NLRP13: variants seen among roughly 807,000 people sequenced by gnomAD.
The protein encoded by NLRP13 is NACHT, LRR and PYD domains-containing protein 13.
NLRP13 carries 82 observed loss-of-function variants against 94.4 expected under a neutral mutation model. The ratio of observed to expected loss-of-function variants is 0.87; its 90% confidence interval spans 0.73 to 1.04. The LOEUF (loss-of-function observed/expected upper bound fraction) is 1.04. NLRP13 is among the 50% of genes least tolerant of loss of function. NLRP13 has a pLI of 0.00. For synonymous variants in NLRP13, 553 were observed against 464.7 expected, an observed-to-expected ratio of 1.19 and a Z score of -2.45; for missense variants, 1,426 against 1,230.8, an observed-to-expected ratio of 1.16 and a Z score of -2.37.
intron 4 of NLRP13, among the ~76,000 whole-genome samples, chr19:55,921,182 G>A (rs757551134): frequency 6.6e-6 from 1 of 152,116 alleles, no homozygotes; most frequent in African/African-American, 2.4e-5. Flanking sequence ...GACTATTCAG[G>A]TGATGGCTCC....
chr19:55,913,548 C>CAAAAAAAAAAAAAACAA (rs1986594874), intron 4 of NLRP13, among the ~76,000 whole-genome samples: 1 of 52,056 alleles, frequency 1.9e-5, no homozygotes, highest in Non-Finnish European at 4.0e-5. Context: ...GACTCCGTCT[C>CAAAAAAAAAAAAAACAA]AAAAAAAAAA....
chr19:55,918,828 T>C (rs942950836), intron 4 of NLRP13, among the ~76,000 whole-genome samples: 1 of 152,092 alleles, frequency 6.6e-6, no homozygotes, highest in East Asian at 1.9e-4. Flanking sequence ...ACTGAAACTG[T>C]TGCAGAAAAA....
downstream of NLRP13, among the ~76,000 whole-genome samples, chr19:55,894,273 C>G (rs1985938767): frequency 6.6e-6 from 1 of 152,048 alleles, no homozygotes. Context: ...AACTCCTGGC[C>G]TCAAGTGATC....
chr19:55,905,211 G>A (rs1986302258), intron 7 of NLRP13, 99 bp from the exon 8 acceptor site: 2 of 1,257,590 alleles, frequency 1.6e-6, no homozygotes, highest in Non-Finnish European at 2.2e-6. Context: ...CAAACATTAT[G>A]GGAAGATTAA....
chr19:55,910,041 A>AT (rs745658119), intron 6 of NLRP13, among the ~76,000 whole-genome samples: 16 of 151,982 alleles, frequency 1.1e-4, no homozygotes, highest in Non-Finnish European at 2.1e-4. Flanking sequence ...TATTTTGATG[A>AT]TTTTGTTTGC....
At chr19:55,908,963 G>T (rs1986428729) in intron 6 of NLRP13, among the ~76,000 whole-genome samples, 1 of 152,330 alleles carries the variant, frequency 6.6e-6, no homozygotes, top group South Asian at 2.1e-4. Flanking sequence ...TGCCTCTCAT[G>T]AGTTTGGTCC....
chr19:55,896,500 G>A (rs1353451250), intron 10 of NLRP13, among the ~76,000 whole-genome samples: 1 of 119,548 alleles, frequency 8.4e-6, no homozygotes, highest in Non-Finnish European at 1.6e-5. Flanking sequence ...CCAGCCTGGC[G>A]ACAGCAAGAT....
intron 4 of NLRP13, among the ~76,000 whole-genome samples, chr19:55,916,981 G>A (rs763479257): frequency 9.2e-5 from 14 of 152,088 alleles, no homozygotes; most frequent in Non-Finnish European, 1.9e-4. Flanking sequence ...AAATAATCTA[G>A]TCACCTATGA....
At position 55,902,166 on chromosome 19, in the gene NLRP13, G is replaced by A. The variant is rs7258847; in HGVS notation, c.2658C>T (p.His886=). 410,254 of 1,613,730 alleles carry A rather than the reference G, an allele frequency of 0.25. 55,878 individuals carry two copies. The highest frequency in any genetic ancestry group is 0.29 in the South Asian group (25,972 of 91,062). ...FCQLAAPACK[H]LSDALLQNRS... ...TGTTCTGCAGGAGAGCATCTGACAA[G>A]TGCTTGCAAGCGGGTGCTGCCAGCT... Residue 886 remains histidine (H), a synonymous_variant, in exon 9 of 11, where the codon CAC becomes CAT. Transcript: ENST00000342929.
intron 4 of NLRP13, among the ~76,000 whole-genome samples, chr19:55,917,675 G>A (rs546595987): frequency 4.9e-4 from 74 of 151,892 alleles, no homozygotes; most frequent in African/African-American, 1.6e-3. Flanking sequence ...TTAAAAAAAG[G>A]CAAAGAAGAT....
At chr19:55,921,352 G>A (rs780225644) in intron 4 of NLRP13, among the ~76,000 whole-genome samples, 1 of 152,178 alleles carries the variant, frequency 6.6e-6, no homozygotes, top group Non-Finnish European at 1.5e-5. Flanking sequence ...ATATCATAAC[G>A]GATGATATTT....
intron 4 of NLRP13, among the ~76,000 whole-genome samples, chr19:55,917,193 T>C (rs1252914075): frequency 6.6e-6 from 1 of 152,180 alleles, no homozygotes; most frequent in East Asian, 1.9e-4. Flanking sequence ...CTACTAGACT[T>C]GTACTACAGG....
chr19:55,899,496 G>T (rs548092448), intron 9 of NLRP13, among the ~76,000 whole-genome samples: 6 of 152,128 alleles, frequency 3.9e-5, no homozygotes, highest in Admixed American at 6.5e-5. Context: ...TCCCAAAAAG[G>T]TTTGGCCGGG....
intron 1 of NLRP13, among the ~76,000 whole-genome samples, chr19:55,928,147 C>T (rs1292451977): frequency 6.6e-6 from 1 of 152,302 alleles, no homozygotes; most frequent in African/African-American, 2.4e-5. Flanking sequence ...CCATGACCCA[C>T]GCCTTTAGAA....
intron 5 of NLRP13, 79 bp downstream of exon 5, chr19:55,911,627 C>T: frequency 7.5e-7 from 1 of 1,332,372 alleles, no homozygotes; most frequent in South Asian, 1.4e-5. Context: ...CAACACATCC[C>T]TGGTTTTGCA....
At chr19:55,908,656 G>C (rs1986421045) in intron 6 of NLRP13, among the ~76,000 whole-genome samples, 1 of 152,162 alleles carries the variant, frequency 6.6e-6, no homozygotes, top group Non-Finnish European at 1.5e-5. Context: ...ATCATCCTTA[G>C]GAAGCTAATG....
In NLRP13 at chr19:55,912,242, G is replaced by C; in HGVS notation, c.1575C>G (p.Ile525Met). 1 of 1,614,174 alleles carries C rather than the reference G, an allele frequency of 6.2e-7. No homozygotes were observed. The highest frequency in any genetic ancestry group is 8.5e-7 in the Non-Finnish European group (1 of 1,180,030). The change falls in exon 5 of 11, where the codon ATC (isoleucine) becomes ATG (methionine). Residue 525 changes from isoleucine to methionine, a missense_variant. Physicochemically the swap from Ile to Met is conservative, Grantham distance 10 (BLOSUM62 1). Transcript: ENST00000342929. ...AAGTAGTGCAACCCCCACAGTCATT[G>C]ATCTTTTGAAGAATATTGAACTCGT... ...SLYEFNILQK[I>M]NDCGGCTTFT...
intron 7 of NLRP13, among the ~76,000 whole-genome samples, chr19:55,906,261 C>G (rs982200109): frequency 7.5e-6 from 1 of 133,282 alleles, no homozygotes; most frequent in Admixed American, 8.9e-5. Flanking sequence ...TTGCTTGAAC[C>G]CAGGAGGTGG....
In NLRP13 at chr19:55,912,590, C is replaced by A. The variant is rs1986553835; in HGVS notation, c.1227G>T (p.Leu409=). The A allele has an allele frequency of 2.5e-6, 4 of 1,614,080 alleles. No individual in the cohort carries two copies. Among genetic ancestry groups the A allele is most frequent in the Non-Finnish European group, 3.4e-6 (4 of 1,180,036 alleles). The change falls in exon 5 of 11, where the codon CTG becomes CTT. Residue 409 remains leucine, a synonymous_variant. Coordinates refer to ENST00000342929, the MANE Select transcript of NLRP13 (RefSeq NM_176810.2). ...FDDSSEVEKI[L]QQLRKNETLF... is the part of the protein sequence containing the mutation. ...GAGTTTCGTTTTTTCTTAGCTGCTG[C>A]AGGATTTTCTCAACTTCACTTGAGT...
Sources: gnomAD v4.1 joint callset for allele counts (sites outside exome capture counted in the v4.1 genomes callset) on GRCh38, gnomAD v4.1.1 for gene constraint, MANE v1.5 for transcripts, NCBI Gene and HGNC (gene_info 2026-07-23, HGNC 2026-07-21) for gene names.